ADCY2: variants seen among roughly 807,000 people sequenced by gnomAD.
ADCY2 encodes the protein adenylate cyclase type 2.
A neutral mutation model predicts 125.2 loss-of-function variants in ADCY2; 31 were observed. The observed-to-expected ratio is 0.25, with a 90% confidence interval of 0.19 to 0.33. The LOEUF is 0.33. Among genes scored for constraint, ADCY2 ranks in the 10% least tolerant of loss-of-function variants. ADCY2 has a pLI of 1.00. For synonymous variants in ADCY2, 512 were observed against 548.4 expected (o/e 0.93, Z 0.93); for missense variants, 904 against 1,418.2 (o/e 0.64, Z 5.82).
intron 20 of ADCY2, chr5:7,796,332 G>A (rs1744420094): frequency 6.6e-6 from 1 of 152,224 alleles, no homozygotes; most frequent in Non-Finnish European, 1.5e-5. Context: ...GTCCAGGGCA[G>A]GGCGTCTTTG....
At chr5:7,772,742 A>ATT (rs11390037) in intron 17 of ADCY2, among the ~76,000 whole-genome samples, 190 bp from the exon 18 acceptor site, 302 of 149,568 alleles carry the variant, frequency 2.0e-3, no homozygotes, top group East Asian at 2.4e-3. Context: ...GCTTTGGATG[A>ATT]TTTTTTTTTT....
intron 4 of ADCY2, among the ~76,000 whole-genome samples, chr5:7,649,084 T>C (rs1315022675): frequency 6.6e-6 from 1 of 152,228 alleles, no homozygotes; most frequent in African/African-American, 2.4e-5. Context: ...TTTCTAACAA[T>C]ATGAAAACTT....
chr5:7,689,695 C>T (rs907495430), intron 4 of ADCY2, among the ~76,000 whole-genome samples: 1 of 152,050 alleles, frequency 6.6e-6, no homozygotes, highest in African/African-American at 2.4e-5. Context: ...CCCTCCTCCC[C>T]TAATCCCTCA....
At chr5:7,633,680 T>C (rs545993668) in intron 4 of ADCY2, among the ~76,000 whole-genome samples, 17 of 152,292 alleles carry the variant, frequency 1.1e-4, no homozygotes, top group South Asian at 4.1e-4. Flanking sequence ...CTCACCTGTC[T>C]TGTTGAAGAA....
intron 3 of ADCY2, among the ~76,000 whole-genome samples, chr5:7,558,221 T>A (rs1267082590): frequency 6.6e-6 from 1 of 151,974 alleles, no homozygotes; most frequent in Non-Finnish European, 1.5e-5. Flanking sequence ...CCTGGCTAAT[T>A]TTTGTGCTTT....
intron 2 of ADCY2, among the ~76,000 whole-genome samples, chr5:7,514,309 G>T (rs1203160360): frequency 6.6e-6 from 1 of 152,170 alleles, no homozygotes; most frequent in East Asian, 1.9e-4. Context: ...ATCTACATTT[G>T]CTTAAGCTGT....
chr5:7,789,959 A>C (rs764455299), intron 20 of ADCY2, among the ~76,000 whole-genome samples, 159 bp downstream of exon 20: 9 of 152,202 alleles, frequency 5.9e-5, no homozygotes, highest in Non-Finnish European at 1.2e-4. Flanking sequence ...GTTTTCAAGG[A>C]GATATTGATT....
At chr5:7,736,280 A>C (rs886580778) in intron 14 of ADCY2, among the ~76,000 whole-genome samples, 1 of 152,228 alleles carries the variant, frequency 6.6e-6, no homozygotes, top group Admixed American at 6.5e-5. Context: ...CCATCTGCAC[A>C]TGAATTTTTC....
In ADCY2 at chr5:7,829,567, T is replaced by G. The variant is rs1579489686; in HGVS notation, c.*2696T>G. The G allele has an allele frequency of 2.6e-5, 4 of 151,376 alleles. No individual in the cohort carries two copies. The East Asian group carries it at 7.6e-4, about 29-fold the overall frequency. 9.4% of individuals were successfully genotyped at this position (151,376 alleles called of 1,614,324 possible). Reference sequence around the variant, plus strand: ...TTGGCTTCAAGAAAAAAAAAAAATCTCTCCCCAATGCTCTCCTTAACCTTT... The same window carrying G: ...TTGGCTTCAAGAAAAAAAAAAAATCGCTCCCCAATGCTCTCCTTAACCTTT... On this transcript the variant is annotated 3_prime_UTR_variant, in exon 25 of 25. Coordinates refer to ENST00000338316, the MANE Select transcript of ADCY2 (RefSeq NM_020546.3).
At chr5:7,463,721 A>T (rs1332076651) in intron 2 of ADCY2, among the ~76,000 whole-genome samples, 3 of 152,058 alleles carry the variant, frequency 2.0e-5, no homozygotes, top group Non-Finnish European at 4.4e-5. Flanking sequence ...AAAATTATTT[A>T]CTCTTCCCCT....
chr5:7,479,272 CTG>C (rs1377212086), intron 2 of ADCY2, among the ~76,000 whole-genome samples: 2 of 148,968 alleles, frequency 1.3e-5, no homozygotes, highest in Non-Finnish European at 2.9e-5. Context: ...CGCAGAAACA[CTG>C]TACTGGCTCA....
In ADCY2 at chr5:7,705,464, G is replaced by A. The variant is rs148667604; in HGVS notation, c.1110-1280G>A. Among the ~76,000 whole-genome samples, 333 of 152,360 alleles carry A rather than the reference G, an allele frequency of 2.2e-3. 3 individuals carry two copies. The highest frequency in any genetic ancestry group is 7.2e-3 in the African/African-American group (301 of 41,586). ...TCTGAGTGGGGCTGTGCCTGAGTCC[G>A]GAAGAACAATGCCAGCTGGCCACAT... is the stretch of plus-strand genomic sequence containing the variant. On this transcript the variant is annotated intron_variant, in intron 7 of 24. Transcript: ENST00000338316.
intron 14 of ADCY2, among the ~76,000 whole-genome samples, chr5:7,738,118 TGA>T (rs768574072): frequency 2.0e-5 from 3 of 152,170 alleles, no homozygotes; most frequent in Admixed American, 6.5e-5. Context: ...GCTTACTTTA[TGA>T]GAGAGTATAA....
intron 2 of ADCY2, among the ~76,000 whole-genome samples, chr5:7,478,614 G>A (rs62341497): frequency 6.6e-6 from 1 of 152,126 alleles, no homozygotes; most frequent in Non-Finnish European, 1.5e-5. Flanking sequence ...TTTATGGTAA[G>A]GCTAATCTTT....
chr5:7,731,846 G>T (rs182765240), intron 14 of ADCY2, among the ~76,000 whole-genome samples: 1 of 152,054 alleles, frequency 6.6e-6, no homozygotes, highest in African/African-American at 2.4e-5. Flanking sequence ...CAAGCAATCC[G>T]CCTGCCTCGG....
At chr5:7,442,036 C>T (rs868328081) in intron 2 of ADCY2, among the ~76,000 whole-genome samples, 1 of 152,136 alleles carries the variant, frequency 6.6e-6, no homozygotes, top group Non-Finnish European at 1.5e-5. Context: ...TGTGATAGGA[C>T]CCTGACTGAT....
intron 2 of ADCY2, among the ~76,000 whole-genome samples, chr5:7,505,630 C>G (rs1454766808): frequency 6.6e-6 from 1 of 152,162 alleles, no homozygotes; most frequent in African/African-American, 2.4e-5. Context: ...ATGCATCTTT[C>G]CTATTGAGAT....
At chr5:7,673,019 A>G (rs758852379) in intron 4 of ADCY2, among the ~76,000 whole-genome samples, 3 of 151,922 alleles carry the variant, frequency 2.0e-5, no homozygotes, top group Non-Finnish European at 4.4e-5. Context: ...CACAGAGGAC[A>G]TGCCTCCTTG....
chr5:7,671,984 G>A (rs931446064), intron 4 of ADCY2, among the ~76,000 whole-genome samples: 1 of 152,064 alleles, frequency 6.6e-6, no homozygotes, highest in Non-Finnish European at 1.5e-5. Flanking sequence ...CCATTTTCTG[G>A]TTTTGGTGCA....
Sources: gnomAD v4.1 joint callset for allele counts (sites outside exome capture counted in the v4.1 genomes callset) on GRCh38, gnomAD v4.1.1 for gene constraint, MANE v1.5 for transcripts, NCBI Gene and HGNC (gene_info 2026-07-23, HGNC 2026-07-21) for gene names.